Variants in ZNF221 observed in about 807,000 individuals in gnomAD.
ZNF221 encodes zinc finger protein 221.
ZNF221 carries 10 observed loss-of-function variants against 12.6 expected under a neutral mutation model. That is an observed-to-expected ratio of 0.79 (90% CI 0.49 to 1.34). The LOEUF (loss-of-function observed/expected upper bound fraction) is 1.34, where lower values mean the gene tolerates loss of function less well. Among genes scored for constraint, ZNF221 ranks in the 40% most tolerant of loss-of-function variants. The probability of loss-of-function intolerance (pLI) is 0.00; values close to 1 mark genes in which losing one functional copy is unlikely to be tolerated. For synonymous variants in ZNF221, 232 were observed against 244.0 expected (o/e 0.95, Z 0.46); for missense variants, 661 against 721.4 (o/e 0.92, Z 0.96).
intron 1 of ZNF221, among the ~76,000 whole-genome samples, chr19:43,958,081 C>A (rs1974784234): frequency 6.6e-6 from 1 of 152,154 alleles, no homozygotes; most frequent in African/African-American, 2.4e-5. Flanking sequence ...AGCTGTTTCC[C>A]CAAGAGTTTC....
chr19:43,969,318 C>G (rs577649924), downstream of ZNF221, among the ~76,000 whole-genome samples: 15 of 138,612 alleles, frequency 1.1e-4, no homozygotes, highest in African/African-American at 4.0e-4. Context: ...TTTGCCAGAT[C>G]ATGCCCAGAC....
At position 43,965,988 on chromosome 19, in the gene ZNF221, A is replaced by C; in HGVS notation, c.486A>C (p.Ile162=). ...VPCQIEARLS[I]SHVQQKPYRC... is the part of the protein sequence containing the mutation. The stretch of plus-strand genomic sequence containing the variant: ...GCCAGATTGAGGCAAGACTATCTAT[A>C]AGTCACGTGCAACAGAAACCTTACC... Residue 162 remains isoleucine, a synonymous_variant, in exon 5 of 5, where the codon ATA becomes ATC. Transcript: ENST00000587682. The C allele has an allele frequency of 6.2e-7, 1 of 1,613,866 alleles. No homozygotes were observed. Among genetic ancestry groups the C allele is most frequent in the Non-Finnish European group, 8.5e-7 (1 of 1,179,678 alleles).
chr19:43,978,279 C>T, the ZNF221 span: 3 of 152,284 alleles, frequency 2.0e-5, no homozygotes, highest in African/African-American at 7.2e-5. Context: ...ACCCCATGTT[C>T]CTTGACTCCA....
chr19:43,956,793 C>G (rs1974762710), intron 1 of ZNF221, among the ~76,000 whole-genome samples: 1 of 152,124 alleles, frequency 6.6e-6, no homozygotes, highest in African/African-American at 2.4e-5. Context: ...TCATCAATTT[C>G]CATTTTATTT....
chr19:43,962,374 A>G (rs1974860010), intron 1 of ZNF221, among the ~76,000 whole-genome samples: 1 of 152,074 alleles, frequency 6.6e-6, no homozygotes, highest in Admixed American at 6.6e-5. Context: ...CTTTCTCTAT[A>G]TATACATTTG....
intron 1 of ZNF221, among the ~76,000 whole-genome samples, chr19:43,956,058 A>G (rs1342698976): frequency 6.6e-6 from 1 of 152,184 alleles, no homozygotes. Context: ...ATAGTGGGGT[A>G]GTAAATACTC....
intron 2 of ZNF221, among the ~76,000 whole-genome samples, chr19:43,963,505 T>C (rs949166560): frequency 1.3e-5 from 2 of 152,228 alleles, no homozygotes; most frequent in African/African-American, 4.8e-5. Flanking sequence ...TTGCCATGCC[T>C]TACTCATACC....
chr19:43,956,160 A>G (rs1369740036), intron 1 of ZNF221, among the ~76,000 whole-genome samples: 2 of 152,162 alleles, frequency 1.3e-5, no homozygotes, highest in Non-Finnish European at 2.9e-5. Context: ...TACATTCCAC[A>G]TGGAGCTATC....
In ZNF221 at chr19:43,966,064, C is replaced by T. The variant is rs999095179; in HGVS notation, c.562C>T (p.His188Tyr). Residue 188 changes from histidine (H) to tyrosine (Y), a missense_variant, in exon 5 of 5, where the codon CAT (histidine) becomes TAT (tyrosine). By Grantham distance (83) the His-to-Tyr change is moderately conservative. Coordinates refer to ENST00000587682, the MANE Select transcript of ZNF221 (RefSeq NM_001297588.2). The part of the protein sequence containing the change: ...SFSDVSVFDL[H>Y]QQSHSGEKSH... ...CAGTGATGTTTCTGTCTTTGATCTT[C>T]ATCAACAATCACACTCAGGAGAGAA... 5.6e-6 allele frequency: 9 copies of T among 1,614,106 alleles called. No homozygotes were observed. The African/African-American group carries it at 1.1e-4, about 19-fold the overall frequency.
the ZNF221 span, among the ~76,000 whole-genome samples, chr19:43,980,909 A>G: frequency 4.6e-5 from 7 of 152,200 alleles, no homozygotes; most frequent in Non-Finnish European, 1.0e-4. Context: ...TCAGGACCCT[A>G]TGACCCAGAA....
At chr19:43,963,539 CTCT>C (rs199776312) in intron 2 of ZNF221, among the ~76,000 whole-genome samples, 3,207 of 152,284 alleles carry the variant, frequency 0.021, 57 homozygotes, top group Non-Finnish European at 0.033. Flanking sequence ...ATTTATTGGT[CTCT>C]TCTTATTCCT....
At chr19:43,956,551 G>C (rs142301028) in intron 1 of ZNF221, among the ~76,000 whole-genome samples, 1 of 92,140 alleles carries the variant, frequency 1.1e-5, no homozygotes, top group Non-Finnish European at 2.2e-5. Context: ...GGAGGGGATT[G>C]AGCCAAAGGA....
chr19:43,957,906 AG>A lies in ZNF221; in HGVS notation c.-2-4818del, dbSNP rs550350807. Among the ~76,000 whole-genome samples the A allele has an allele frequency of 6.0e-4, 92 of 152,338 alleles. 1 individual carries two copies. Among genetic ancestry groups the A allele is most frequent in the Middle Eastern group, 6.8e-3 (2 of 294 alleles). On this transcript the variant is annotated intron_variant, in intron 1 of 4. Transcript: ENST00000587682. ...TGCAATCAAGAAGTACAGATCTAGCAGTCAGCTAAATCATTTCCTGTTCTAT... is the reference window on the plus strand; with the variant it reads ...TGCAATCAAGAAGTACAGATCTAGCATCAGCTAAATCATTTCCTGTTCTAT...
At chr19:43,970,541 A>G (rs1975075213), downstream of ZNF221, among the ~76,000 whole-genome samples, 1 of 152,190 alleles carries the variant, frequency 6.6e-6, no homozygotes, top group South Asian at 2.1e-4. Flanking sequence ...GGAGCTGATG[A>G]CCAGAATAGC....
intron 3 of ZNF221, 30 bp downstream of exon 3, chr19:43,965,106 G>A (rs200444244): frequency 1.3e-4 from 216 of 1,610,072 alleles, no homozygotes; most frequent in Non-Finnish European, 2.0e-5. Flanking sequence ...GTAACAGAAT[G>A]TTAGGCCCCA....
intron 1 of ZNF221, among the ~76,000 whole-genome samples, chr19:43,957,338 A>G (rs395143): frequency 0.97 from 148,035 of 152,144 alleles, 72,144 homozygotes; most frequent in East Asian, 1. Context: ...ACACCACCAC[A>G]CCTGGCTAAT....
chr19:43,968,582 G>A (rs148961700), downstream of ZNF221, among the ~76,000 whole-genome samples: 5 of 152,270 alleles, frequency 3.3e-5, no homozygotes, highest in Middle Eastern at 3.4e-3. Context: ...AGGAAACCTG[G>A]GATAGACCAA....
downstream of ZNF221, among the ~76,000 whole-genome samples, chr19:43,968,262 C>A (rs955107697): frequency 6.6e-6 from 1 of 152,202 alleles, no homozygotes; most frequent in African/African-American, 2.4e-5. Flanking sequence ...TAATTTGGGG[C>A]TTCATTCAGA....
chr19:43,966,682 T>C lies in ZNF221; in HGVS notation c.1180T>C (p.Tyr394His), dbSNP rs368089963. 2.3e-5 allele frequency: 37 copies of C among 1,614,216 alleles called. No individual in the cohort carries two copies. In the East Asian group the frequency reaches 8.0e-4, roughly 35 times the overall value. The change falls in exon 5 of 5, where the codon TAT becomes CAT. Residue 394 changes from tyrosine (Y) to histidine (H), a missense_variant. Physicochemically the swap from Tyr to His is moderately conservative, Grantham distance 83. Coordinates refer to ENST00000587682, the MANE Select transcript of ZNF221 (RefSeq NM_001297588.2). ...GATGGTCCACACAGGAGAGAAACCATATAATTGTAAAGAATGTGGGAAGAC... is the reference window on the plus strand; with the variant it reads ...GATGGTCCACACAGGAGAGAAACCACATAATTGTAAAGAATGTGGGAAGAC... ...HQMVHTGEKPYNCKECGKTFR... is the reference protein window; with the variant it reads ...HQMVHTGEKPHNCKECGKTFR...
Sources: gnomAD v4.1 joint callset for allele counts (sites outside exome capture counted in the v4.1 genomes callset) on GRCh38, gnomAD v4.1.1 for gene constraint, MANE v1.5 for transcripts, NCBI Gene and HGNC (gene_info 2026-07-23, HGNC 2026-07-21) for gene names.